Variants in BBS9 observed in about 807,000 individuals in gnomAD.
The protein encoded by BBS9 is Bardet-Biedl syndrome 9.
Under a neutral mutation model 117.7 loss-of-function variants are expected in BBS9, and 89 were observed. That is an observed-to-expected ratio of 0.76 (90% confidence interval 0.64 to 0.90). The LOEUF (loss-of-function observed/expected upper bound fraction) is 0.90, where lower values mean the gene tolerates loss of function less well. BBS9 is among the 40% of genes least tolerant of loss of function. The pLI is 0.00. For synonymous variants in BBS9, 379 were observed against 370.9 expected, an observed-to-expected ratio of 1.02 and a Z score of -0.25; for missense variants, 982 against 1,042.2, an observed-to-expected ratio of 0.94 and a Z score of 0.80.
At chr7:33,458,431 A>C (rs902034432) in intron 19 of BBS9, among the ~76,000 whole-genome samples, 1 of 152,152 alleles carries the variant, frequency 6.6e-6, no homozygotes, top group African/African-American at 2.4e-5. Context: ...CTTTCATTTA[A>C]ATTTCTAGTC....
At position 33,336,477 on chromosome 7, in the gene BBS9, T is replaced by C; in HGVS notation, c.1053T>C (p.Asp351=). 1 of 1,613,920 alleles carries C rather than the reference T, an allele frequency of 6.2e-7. No homozygotes were observed. The highest frequency in any genetic ancestry group is 8.5e-7 in the Non-Finnish European group (1 of 1,179,866). ...GAGTGATAGTCACTCTGAGTGATGA[T>C]GGTCACTTGCAGTGTTCATACCTGG... ...LKGVIVTLSD[D]GHLQCSYLGT... Residue 351 remains aspartate, a synonymous_variant, in exon 10 of 23, where the codon GAT becomes GAC. Coordinates refer to ENST00000242067, the MANE Select transcript of BBS9 (RefSeq NM_198428.3).
chr7:33,291,065 C>A (rs1803949958), intron 9 of BBS9, among the ~76,000 whole-genome samples: 1 of 152,004 alleles, frequency 6.6e-6, no homozygotes, highest in Non-Finnish European at 1.5e-5. Context: ...TATGAAATAT[C>A]ATAAAATAAT....
At chr7:33,557,322 G>A (rs537000728) in intron 21 of BBS9, among the ~76,000 whole-genome samples, 20 of 152,142 alleles carry the variant, frequency 1.3e-4, no homozygotes, top group Admixed American at 2.6e-4. Flanking sequence ...GTAGCTTTTC[G>A]AATTAGCTAG....
intron 19 of BBS9, among the ~76,000 whole-genome samples, chr7:33,388,985 C>T (rs1376300941): frequency 1.3e-5 from 2 of 152,104 alleles, no homozygotes; most frequent in Non-Finnish European, 2.9e-5. Context: ...TATTTCTGTG[C>T]AGTTGTAACA....
At chr7:33,329,592 T>C (rs76181470) in intron 9 of BBS9, among the ~76,000 whole-genome samples, 1 of 119,156 alleles carries the variant, frequency 8.4e-6, no homozygotes, top group African/African-American at 3.7e-5. Flanking sequence ...ATTCCCCCCC[T>C]ATCATTTGGG....
intron 19 of BBS9, among the ~76,000 whole-genome samples, chr7:33,472,047 C>G (rs1465512173): frequency 1.3e-5 from 2 of 152,178 alleles, no homozygotes; most frequent in African/African-American, 4.8e-5. Context: ...GACCTTTTGA[C>G]TGACAGAGAA....
chr7:33,264,796 T>G (rs1287767268), intron 7 of BBS9, among the ~76,000 whole-genome samples: 1 of 152,172 alleles, frequency 6.6e-6, no homozygotes, highest in Non-Finnish European at 1.5e-5. Flanking sequence ...TTCTTTCTCT[T>G]TTTTTGAGCT....
chr7:33,140,114 C>A (rs1001838891), intron 1 of BBS9, among the ~76,000 whole-genome samples: 4 of 152,140 alleles, frequency 2.6e-5, no homozygotes, highest in African/African-American at 7.2e-5. Context: ...CAAGCTCCAC[C>A]TCCTGGTTCA....
At chr7:33,549,074 CAG>C (rs1853916498) in intron 21 of BBS9, among the ~76,000 whole-genome samples, 1 of 150,272 alleles carries the variant, frequency 6.7e-6, no homozygotes, top group Admixed American at 6.6e-5. Context: ...GGTACCAAAA[CAG>C]AGTTATAGAT....
intron 5 of BBS9, among the ~76,000 whole-genome samples, chr7:33,223,604 A>G (rs1354168272): frequency 6.6e-6 from 1 of 152,156 alleles, no homozygotes; most frequent in Non-Finnish European, 1.5e-5. Context: ...AGACTTAGGA[A>G]TGTCTTTTAT....
intron 12 of BBS9, among the ~76,000 whole-genome samples, chr7:33,346,838 A>C (rs1398946737): frequency 6.6e-6 from 1 of 152,198 alleles, no homozygotes; most frequent in Non-Finnish European, 1.5e-5. Context: ...TTACTACTTA[A>C]AGGAATTTTC....
At chr7:33,302,768 C>T (rs116834192) in intron 9 of BBS9, among the ~76,000 whole-genome samples, 4,263 of 152,118 alleles carry the variant, frequency 0.028, 149 homozygotes, top group African/African-American at 0.076. Context: ...CTGGGTCTTT[C>T]GTGGTTCCAT....
At chr7:33,193,577 A>G (rs550498266) in intron 5 of BBS9, among the ~76,000 whole-genome samples, 6 of 152,070 alleles carry the variant, frequency 3.9e-5, no homozygotes, top group East Asian at 1.9e-4. Flanking sequence ...TTCCTACCCA[A>G]TCAGAGAGGA....
At chr7:33,142,614 A>G (rs1053686602) in intron 1 of BBS9, among the ~76,000 whole-genome samples, 1 of 152,194 alleles carries the variant, frequency 6.6e-6, no homozygotes, top group African/African-American at 2.4e-5. Flanking sequence ...CTAGCCCCTG[A>G]CAATCACCAT....
chr7:33,613,623 C>A (rs919501095), intron 21 of BBS9, among the ~76,000 whole-genome samples: 2 of 151,858 alleles, frequency 1.3e-5, no homozygotes, highest in Non-Finnish European at 2.9e-5. Context: ...ACCTCATTCG[C>A]TTAAGTGGAT....
At chr7:33,436,736 T>C (rs1835357429) in intron 19 of BBS9, among the ~76,000 whole-genome samples, 1 of 152,230 alleles carries the variant, frequency 6.6e-6, no homozygotes, top group Non-Finnish European at 1.5e-5. Context: ...CACATCTGTT[T>C]TGTTAACAAA....
At chr7:33,445,769 C>G (rs994341958) in intron 19 of BBS9, among the ~76,000 whole-genome samples, 3 of 152,100 alleles carry the variant, frequency 2.0e-5, no homozygotes, top group Non-Finnish European at 4.4e-5. Flanking sequence ...ATGCTGTTCT[C>G]GTGATAGTAA....
chr7:33,168,176 A>G (rs532574665), intron 4 of BBS9, among the ~76,000 whole-genome samples: 2 of 152,320 alleles, frequency 1.3e-5, no homozygotes, highest in Admixed American at 6.5e-5. Flanking sequence ...GTAGCATCCC[A>G]AAGTTAGAGG....
chr7:33,273,835 G>A lies in BBS9; in HGVS notation c.895G>A (p.Gly299Arg). The change falls in exon 9 of 23, where the codon GGA (glycine) becomes AGA (arginine). Residue 299 changes from glycine (G) to arginine (R), a missense_variant. Gly to Arg is a moderately radical substitution (Grantham distance 125). Coordinates refer to ENST00000242067, the MANE Select transcript of BBS9 (RefSeq NM_198428.3). ...CFLPYCSVSEGTINTLIGNHN... is the reference protein window; with the variant it reads ...CFLPYCSVSERTINTLIGNHN... ...GTATTTTCAACTTACAGTTTCTGAAGGAACAATAAATACTTTGATTGGAAA... is the reference window on the plus strand; with the variant it reads ...GTATTTTCAACTTACAGTTTCTGAAAGAACAATAAATACTTTGATTGGAAA... 6.2e-7 allele frequency: 1 copy of A among 1,609,280 alleles called. No homozygotes were observed. The highest frequency in any genetic ancestry group is 1.3e-5 in the African/African-American group (1 of 74,892).
Sources: gnomAD v4.1 joint callset for allele counts (sites outside exome capture counted in the v4.1 genomes callset) on GRCh38, gnomAD v4.1.1 for gene constraint, MANE v1.5 for transcripts, NCBI Gene and HGNC (gene_info 2026-07-23, HGNC 2026-07-21) for gene names.